TEX9: variants seen among roughly 807,000 people sequenced by gnomAD.
TEX9 encodes testis expressed 9.
TEX9 carries 74 observed loss-of-function variants against 59.6 expected under a neutral mutation model. That is an observed-to-expected ratio of 1.24 (90% confidence interval 1.03 to 1.51). The LOEUF is 1.51. TEX9 is among the 40% of genes most tolerant of loss of function. The pLI is 0.00. For synonymous variants in TEX9, 186 were observed against 152.2 expected (o/e 1.22, Z -1.64); for missense variants, 522 against 447.8 (o/e 1.17, Z -1.49).
chr15:56,306,271 A>AAAAAAAAAAAAAAAAAAAAG (rs2045483336), intron 1 of TEX9, among the ~76,000 whole-genome samples: 1 of 151,336 alleles, frequency 6.6e-6, no homozygotes, highest in Non-Finnish European at 1.5e-5. Flanking sequence ...AAAAAAAAAA[A>AAAAAAAAAAAAAAAAAAAAG]AAAAAAAGGA....
At chr15:56,248,037 A>T (rs1469508744) in intron 1 of TEX9, among the ~76,000 whole-genome samples, 2 of 152,186 alleles carry the variant, frequency 1.3e-5, no homozygotes, top group Non-Finnish European at 2.9e-5. Context: ...CTTTCAGCTA[A>T]GCTGTTGTCT....
At chr15:56,451,120 T>C in the TEX9 span, among the ~76,000 whole-genome samples, 204 of 152,356 alleles carry the variant, frequency 1.3e-3, 1 homozygote, top group Non-Finnish European at 2.5e-3. Flanking sequence ...ATTTCAGATA[T>C]TAAATCCTTA....
intron 1 of TEX9, among the ~76,000 whole-genome samples, chr15:56,251,009 A>C: frequency 6.6e-6 from 1 of 152,144 alleles, no homozygotes; most frequent in Non-Finnish European, 1.5e-5. Context: ...CTCCTCATGT[A>C]TTTGAGAAGA....
chr15:56,291,463 G>A (rs2045090409), intron 1 of TEX9, among the ~76,000 whole-genome samples: 1 of 151,958 alleles, frequency 6.6e-6, no homozygotes, highest in Non-Finnish European at 1.5e-5. Context: ...TATATTTATG[G>A]TATACAGCAT....
At chr15:56,381,554 A>G (rs1442677184) in intron 3 of TEX9, among the ~76,000 whole-genome samples, 2 of 152,194 alleles carry the variant, frequency 1.3e-5, no homozygotes, top group Non-Finnish European at 2.9e-5. Flanking sequence ...AAGGCTTTCC[A>G]GTTATTTAAA....
At chr15:56,282,769 G>A (rs183553802) in intron 1 of TEX9, among the ~76,000 whole-genome samples, 239 of 152,170 alleles carry the variant, frequency 1.6e-3, no homozygotes, top group East Asian at 2.9e-3. Flanking sequence ...AAAGACCTAG[G>A]GGCTAGAGGA....
At chr15:56,244,192 TAA>T (rs2043779108) in exon 1 of TEX9, 1 of 152,178 alleles carries the variant, frequency 6.6e-6, no homozygotes, top group African/African-American at 2.4e-5. Flanking sequence ...TCAAAGCAAG[TAA>T]AGAGAAATCA....
rs374676497 is a variant in TEX9 at position 56,297,563 on chromosome 15, G to A, written c.-107+53285G>A. Among the ~76,000 whole-genome samples the A allele has an allele frequency of 2.6e-5, 4 of 152,264 alleles. 1 individual carries two copies. Among genetic ancestry groups the A allele is most frequent in the East Asian group, 1.9e-4 (1 of 5,186 alleles). On this transcript the variant is annotated intron_variant, in intron 1 of 5. Transcript: ENST00000560827. ...TCTGTTGCCCAGGCTGGAGTGCAGT[G>A]GTGCGATCTTGGCTCACTGCAACCT...
At chr15:56,280,185 G>A (rs1248846226) in intron 1 of TEX9, among the ~76,000 whole-genome samples, 1 of 152,126 alleles carries the variant, frequency 6.6e-6, no homozygotes. Flanking sequence ...CTTGTGTTGG[G>A]TTTATCTGTA....
chr15:56,441,877 G>C (rs949202261), intron 12 of TEX9, among the ~76,000 whole-genome samples: 2 of 151,828 alleles, frequency 1.3e-5, no homozygotes, highest in African/African-American at 4.8e-5. Flanking sequence ...AAAATTAGCC[G>C]GGCATGGTGG....
chr15:56,343,329 A>G (rs558535439), intron 1 of TEX9, among the ~76,000 whole-genome samples: 1 of 152,122 alleles, frequency 6.6e-6, no homozygotes, highest in Non-Finnish European at 1.5e-5. Flanking sequence ...ACTTTCAAAT[A>G]AACTATAAGA....
Position 56,408,158 on chromosome 15 carries a change from A to T in TEX9, c.829-4144A>T, listed in dbSNP as rs139006301. On this transcript the variant is annotated intron_variant, in intron 9 of 12. Coordinates refer to ENST00000352903, the Ensembl canonical transcript of TEX9. ...CTTCCCAAAATTATTGTTTATACTC[A>T]GTGTCTCTATACCTCATGTGCCATT... Among the ~76,000 whole-genome samples the T allele has an allele frequency of 5.3e-5, 8 of 152,248 alleles. No homozygotes were observed. The East Asian group carries it at 1.5e-3, about 29-fold the overall frequency.
intron 10 of TEX9, among the ~76,000 whole-genome samples, chr15:56,413,997 T>C (rs1301957903): frequency 6.6e-6 from 1 of 151,854 alleles, no homozygotes; most frequent in Non-Finnish European, 1.5e-5. Context: ...AGTTATTACA[T>C]GAACAAGTTA....
chr15:56,339,399 A>AACAAAC (rs1364616084), intron 1 of TEX9, among the ~76,000 whole-genome samples: 12 of 133,382 alleles, frequency 9.0e-5, no homozygotes, highest in South Asian at 2.3e-4. Flanking sequence ...AAAAAAAAAA[A>AACAAAC]AAAAAAAAAA....
intron 1 of TEX9, among the ~76,000 whole-genome samples, chr15:56,265,466 C>A (rs1408623845): frequency 6.6e-6 from 1 of 152,040 alleles, no homozygotes; most frequent in Non-Finnish European, 1.5e-5. Context: ...AGCTACCATG[C>A]CTTTCTATAG....
At chr15:56,431,222 G>T in intron 12 of TEX9, 1 of 748,694 alleles carries the variant, frequency 1.3e-6, no homozygotes, top group East Asian at 2.7e-5. Flanking sequence ...AATGGGCCCA[G>T]AGAGGTTCAG....
intron 1 of TEX9, among the ~76,000 whole-genome samples, chr15:56,350,544 T>C (rs536171704): frequency 1.2e-3 from 182 of 152,348 alleles, no homozygotes; most frequent in Admixed American, 2.5e-3. Flanking sequence ...CTCATGCCTT[T>C]CACACCAACT....
intron 1 of TEX9, among the ~76,000 whole-genome samples, chr15:56,300,747 C>CTTCAT (rs145031580): frequency 0.038 from 4,015 of 105,614 alleles, 150 homozygotes; most frequent in East Asian, 0.17. Flanking sequence ...GAGAGAGAGA[C>CTTCAT]TTCATTTCAT....
intron 1 of TEX9, among the ~76,000 whole-genome samples, chr15:56,274,224 A>G (rs1596058754): frequency 6.6e-6 from 1 of 152,140 alleles, no homozygotes; most frequent in Non-Finnish European, 1.5e-5. Context: ...CTATTGACCT[A>G]CATTCAATTT....
Sources: allele counts gnomAD v4.1 joint callset (sites outside exome capture counted in the v4.1 genomes callset), GRCh38; gene constraint gnomAD v4.1.1; transcripts MANE v1.5; gene names NCBI Gene and HGNC (gene_info 2026-07-23, HGNC 2026-07-21).